The following DHRSX variants were observed in gnomAD, a reference collection of about 807,000 sequenced individuals.
DHRSX encodes the protein polyprenol dehydrogenase.
A neutral mutation model predicts 34.0 loss-of-function variants in DHRSX; 31 were observed. The ratio of observed to expected loss-of-function variants is 0.91; its 90% CI spans 0.69 to 1.23. The LOEUF is 1.23. DHRSX is among the 50% of genes most tolerant of loss of function. The pLI, the probability that DHRSX is intolerant of heterozygous loss-of-function variation, is 0.00. For synonymous variants in DHRSX, 201 were observed against 183.8 expected (o/e 1.09, Z -0.76); for missense variants, 414 against 428.1 (o/e 0.97, Z 0.29).
At chrX:2,254,953 CCCT>C (rs2041256803) in intron 5 of DHRSX, among the ~76,000 whole-genome samples, 1 of 145,576 alleles carries the variant, frequency 6.9e-6, no homozygotes, top group African/African-American at 2.6e-5. Context: ...CACGCCCCCC[CCCT>C]TTTTTTTCTT....
chrX:2,283,752 CATTT>C (rs2041763516), intron 4 of DHRSX, among the ~76,000 whole-genome samples: 1 of 152,244 alleles, frequency 6.6e-6, no homozygotes, highest in Non-Finnish European at 1.5e-5. Context: ...TTCATTCATT[CATTT>C]GATTCCATTC....
Position 2,500,921 on chromosome X carries a change from G to T in DHRSX, c.5C>A (p.Ser2Ter), listed in dbSNP as rs1209352981. The stretch of plus-strand genomic sequence containing the variant: ...GGCCGCCCGCGCCGCAGACAATGGC[G>T]ACATGGCTGCCCCGGCCGCGCCGCC... M[S>*]PLSAARAALR... The change falls in exon 1 of 7, where the codon TCG becomes TAG. Residue 2 changes from serine to a stop codon, truncating the protein, a stop_gained. Coordinates refer to ENST00000334651, the MANE Select transcript of DHRSX (RefSeq NM_145177.3). LOFTEE classifies it high-confidence loss of function. 1.8e-6 allele frequency: 2 copies of T among 1,090,118 alleles called. No individual in the cohort carries two copies. Among genetic ancestry groups the T allele is most frequent in the African/African-American group, 1.7e-5 (1 of 59,024 alleles). 67.5% of individuals were successfully genotyped at this position (1,090,118 alleles called of 1,614,324 possible). A position where few individuals can be genotyped will look rare whatever the true frequency, so the allele number is the denominator to read the frequency against.
intron 3 of DHRSX, among the ~76,000 whole-genome samples, chrX:2,328,482 AAT>A (rs2042416829): frequency 1.3e-5 from 2 of 150,814 alleles, no homozygotes; most frequent in African/African-American, 4.9e-5. Flanking sequence ...TGAGAGAATC[AAT>A]GTCTGTTGTT....
intron 3 of DHRSX, among the ~76,000 whole-genome samples, chrX:2,378,309 C>T (rs73191325): frequency 0.24 from 36,243 of 152,060 alleles, 5,495 homozygotes; most frequent in Non-Finnish European, 0.35. Flanking sequence ...AGAATTGTGT[C>T]GCAGCAGCTC....
chrX:2,463,635 G>T (rs1025638418), intron 1 of DHRSX, among the ~76,000 whole-genome samples: 2 of 152,190 alleles, frequency 1.3e-5, no homozygotes, highest in African/African-American at 4.8e-5. Context: ...GGGGAAGAAG[G>T]ATGTGGACAA....
intron 3 of DHRSX, among the ~76,000 whole-genome samples, chrX:2,372,498 C>G (rs2043084421): frequency 6.6e-6 from 1 of 152,078 alleles, no homozygotes; most frequent in Admixed American, 6.6e-5. Flanking sequence ...AAACCCAGGA[C>G]CCAACAAGGG....
intron 1 of DHRSX, among the ~76,000 whole-genome samples, chrX:2,465,043 G>T (rs2044470943): frequency 6.6e-6 from 1 of 151,666 alleles, no homozygotes; most frequent in South Asian, 2.1e-4. Context: ...GGATGGCACC[G>T]AAGACGTTCC....
At chrX:2,331,436 G>GTTTTT (rs1159991841) in intron 3 of DHRSX, among the ~76,000 whole-genome samples, 4,194 of 94,296 alleles carry the variant, frequency 0.044, 446 homozygotes, top group South Asian at 0.065. Flanking sequence ...AGGTTTTTTG[G>GTTTTT]TTTTTTTTTT....
intron 2 of DHRSX, among the ~76,000 whole-genome samples, chrX:2,413,648 G>T (rs1474093208): frequency 1.3e-5 from 2 of 152,094 alleles, no homozygotes; most frequent in Non-Finnish European, 2.9e-5. Context: ...ACAATACAAA[G>T]TATATGTGGC....
intron 3 of DHRSX, among the ~76,000 whole-genome samples, chrX:2,304,108 G>GATGGATGGATGGATAA (rs1569485836): frequency 8.3e-6 from 1 of 120,962 alleles, no homozygotes; most frequent in African/African-American, 2.6e-5. Context: ...TGGATGGATA[G>GATGGATGGATGGATAA]ATGGATGGAT....
At chrX:2,338,000 CT>C (rs2042590530) in intron 3 of DHRSX, 1 of 86,776 alleles carries the variant, frequency 1.2e-5, no homozygotes, top group Admixed American at 1.2e-4. Flanking sequence ...TGTGCCTCAG[CT>C]GAGACAAAAA....
At chrX:2,384,767 TGGGGGGAGGG>T (rs2043249773) in intron 3 of DHRSX, among the ~76,000 whole-genome samples, 1 of 21,278 alleles carries the variant, frequency 4.7e-5, no homozygotes, top group Non-Finnish European at 9.1e-5. Flanking sequence ...TGTTGTGGGG[TGGGGGGAGGG>T]GGGGGATGGC....
At chrX:2,239,805 G>A (rs1240251772) in intron 6 of DHRSX, among the ~76,000 whole-genome samples, 5 of 151,860 alleles carry the variant, frequency 3.3e-5, no homozygotes, top group Non-Finnish European at 7.4e-5. Context: ...TAAAAAAACA[G>A]CAAATGCTCT....
At chrX:2,244,031 A>C (rs960254797) in intron 5 of DHRSX, among the ~76,000 whole-genome samples, 1 of 151,874 alleles carries the variant, frequency 6.6e-6, no homozygotes, top group Admixed American at 6.6e-5. Flanking sequence ...TTGGCCTCCC[A>C]AAGTGCTGGG....
At chrX:2,341,651 CT>C (rs112680079) in intron 3 of DHRSX, among the ~76,000 whole-genome samples, 74,197 of 120,804 alleles carry the variant, frequency 0.61, 21,517 homozygotes, top group African/African-American at 0.74. Context: ...GTGAACTTGT[CT>C]TTTTTTTTTT....
intron 3 of DHRSX, among the ~76,000 whole-genome samples, chrX:2,331,435 G>GTTTTTTTTT (rs2042471374): frequency 1.7e-5 from 1 of 57,888 alleles, no homozygotes; most frequent in Non-Finnish European, 3.6e-5. Context: ...AAGGTTTTTT[G>GTTTTTTTTT]GTTTTTTTTT....
intron 3 of DHRSX, among the ~76,000 whole-genome samples, chrX:2,405,208 G>T (rs7053137): frequency 0.053 from 8,014 of 152,214 alleles, 716 homozygotes; most frequent in African/African-American, 0.18. Flanking sequence ...AAGAATCAAG[G>T]CCGGGCGCGG....
In DHRSX at chrX:2,311,339, G is replaced by A. The variant is rs773931920; in HGVS notation, c.287-19736C>T. On this transcript the variant is annotated intron_variant, in intron 3 of 6. Transcript: ENST00000334651. The stretch of plus-strand genomic sequence containing the variant: ...CCTTTGTTTTCATTGTGTTTACTAC[G>A]ATGGCCCTCCTCTCCCTCTTGAGCA... Among the ~76,000 whole-genome samples, 4 of 152,162 alleles carry A rather than the reference G, an allele frequency of 2.6e-5. No homozygotes were observed. In the South Asian group the frequency reaches 6.2e-4, roughly 24 times the overall value.
intron 6 of DHRSX, among the ~76,000 whole-genome samples, chrX:2,222,779 C>G (rs1276597858): frequency 6.6e-6 from 1 of 152,164 alleles, no homozygotes; most frequent in Non-Finnish European, 1.5e-5. Flanking sequence ...CCTGTGACAC[C>G]CAGTCACTTC....
Sources: allele counts gnomAD v4.1 joint callset (sites outside exome capture counted in the v4.1 genomes callset), GRCh38; gene constraint gnomAD v4.1.1; transcripts MANE v1.5; gene names NCBI Gene and HGNC (gene_info 2026-07-23, HGNC 2026-07-21).